LHFPL6: variants seen among roughly 807,000 people sequenced by gnomAD.
LHFPL6 encodes the protein LHFPL tetraspan subfamily member 6 protein.
LHFPL6 carries 9 observed loss-of-function variants against 20.6 expected under a neutral mutation model. The ratio of observed to expected loss-of-function variants is 0.44; its 90% CI spans 0.26 to 0.76. The LOEUF is 0.76. Ranked by LOEUF, LHFPL6 falls within the 30% of genes least tolerant of loss-of-function variation. The pLI, the probability that LHFPL6 is intolerant of heterozygous loss-of-function variation, is 0.20. For synonymous variants in LHFPL6, 105 were observed against 98.7 expected (o/e 1.06, Z -0.38); for missense variants, 218 against 253.5 (o/e 0.86, Z 0.95).
At chr13:39,354,611 A>G (rs1643945144) in intron 3 of LHFPL6, among the ~76,000 whole-genome samples, 1 of 152,180 alleles carries the variant, frequency 6.6e-6, no homozygotes, top group Admixed American at 6.5e-5. Context: ...GATTCAGCAG[A>G]AAGTTAAAAT....
intron 2 of LHFPL6, among the ~76,000 whole-genome samples, chr13:39,542,008 G>A (rs892231995): frequency 4.6e-5 from 7 of 151,604 alleles, no homozygotes; most frequent in African/African-American, 1.7e-4. Flanking sequence ...GGAGAATGGC[G>A]TGAACCCGGG....
chr13:39,454,727 AT>A (rs1051622258), intron 2 of LHFPL6, among the ~76,000 whole-genome samples: 2 of 151,436 alleles, frequency 1.3e-5, no homozygotes, highest in African/African-American at 4.8e-5. Flanking sequence ...TGGTAATTCC[AT>A]TTTAGCACCA....
At position 39,450,816 on chromosome 13, in the gene LHFPL6, A is replaced by G. The variant is rs1872424657; in HGVS notation, c.386-72290T>C. Among the ~76,000 whole-genome samples, 2 of 152,222 alleles carry G rather than the reference A, an allele frequency of 1.3e-5. 1 individual carries two copies. The highest frequency in any genetic ancestry group is 4.1e-4 in the South Asian group (2 of 4,822). On this transcript the variant is annotated intron_variant, in intron 2 of 3. Coordinates refer to ENST00000379589, the MANE Select transcript of LHFPL6 (RefSeq NM_005780.3). ...TGTGATATGTATAATATTCCCATACAGTATTTTACTTAGCTGAATTATAAA... is the reference window on the plus strand; with the variant it reads ...TGTGATATGTATAATATTCCCATACGGTATTTTACTTAGCTGAATTATAAA...
At chr13:39,494,202 A>G (rs9603549) in intron 2 of LHFPL6, among the ~76,000 whole-genome samples, 47,362 of 152,182 alleles carry the variant, frequency 0.31, 7,840 homozygotes, top group Middle Eastern at 0.43. Flanking sequence ...GGCAGGAAGC[A>G]CTGTGAAAGC....
chr13:39,343,130 G>T lies in LHFPL6; in HGVS notation c.*806C>A, dbSNP rs1869291884. The T allele has an allele frequency of 4.9e-6, 1 of 203,478 alleles. No homozygotes were observed. The highest frequency in any genetic ancestry group is 1.0e-5 in the Non-Finnish European group (1 of 98,974). 12.6% of individuals were successfully genotyped at this position (203,478 alleles called of 1,614,324 possible). On this transcript the variant is annotated 3_prime_UTR_variant, in exon 4 of 4. Coordinates refer to ENST00000379589, the MANE Select transcript of LHFPL6 (RefSeq NM_005780.3). ...TTTTCTTCATAAGAATATCATAGCA[G>T]AAGCTACTCAGAGAAATATTGCATA...
intron 2 of LHFPL6, among the ~76,000 whole-genome samples, chr13:39,466,156 T>C (rs766915048): frequency 2.6e-5 from 4 of 152,218 alleles, no homozygotes; most frequent in Non-Finnish European, 4.4e-5. Context: ...TTTGGGGACA[T>C]GATTTAGTAA....
At chr13:39,442,020 G>A (rs552441473) in intron 2 of LHFPL6, among the ~76,000 whole-genome samples, 1 of 151,514 alleles carries the variant, frequency 6.6e-6, no homozygotes, top group African/African-American at 2.4e-5. Context: ...GTAGAGACAG[G>A]GTTTTACCAC....
chr13:39,547,909 T>A (rs1247685732), intron 2 of LHFPL6, among the ~76,000 whole-genome samples: 1 of 152,098 alleles, frequency 6.6e-6, no homozygotes, highest in Non-Finnish European at 1.5e-5. Flanking sequence ...GAATGTTAGG[T>A]AATGTTATAC....
intron 3 of LHFPL6, among the ~76,000 whole-genome samples, chr13:39,354,163 T>C (rs1382432856): frequency 6.6e-6 from 1 of 152,074 alleles, no homozygotes; most frequent in African/African-American, 2.4e-5. Context: ...TGCCAGCCCT[T>C]ACATGTATGC....
intron 2 of LHFPL6, among the ~76,000 whole-genome samples, chr13:39,462,124 T>C (rs1872704230): frequency 6.6e-6 from 1 of 152,154 alleles, no homozygotes; most frequent in Non-Finnish European, 1.5e-5. Context: ...ACAAATTTTC[T>C]AACTCTTTAT....
chr13:39,451,359 G>A (rs1872440292), intron 2 of LHFPL6, among the ~76,000 whole-genome samples: 1 of 152,170 alleles, frequency 6.6e-6, no homozygotes, highest in African/African-American at 2.4e-5. Context: ...TTGGCAGTAT[G>A]ATTTTATTAT....
chr13:39,502,956 G>A (rs962463032), intron 2 of LHFPL6, among the ~76,000 whole-genome samples: 27 of 152,158 alleles, frequency 1.8e-4, no homozygotes, highest in Admixed American at 1.2e-3. Flanking sequence ...GCAGTGGTGC[G>A]ATCATAGCTT....
At chr13:39,519,254 A>T (rs908472782) in intron 2 of LHFPL6, among the ~76,000 whole-genome samples, 1 of 146,400 alleles carries the variant, frequency 6.8e-6, no homozygotes, top group Admixed American at 6.8e-5. Context: ...AAAAATAAAA[A>T]AAAAATCAGA....
intron 2 of LHFPL6, among the ~76,000 whole-genome samples, chr13:39,595,166 C>T (rs1872732683): frequency 6.6e-6 from 1 of 152,044 alleles, no homozygotes; most frequent in African/African-American, 2.4e-5. Flanking sequence ...TAGATACAAA[C>T]ATATAAAATT....
rs1015201841 is a variant in LHFPL6 at position 39,567,358 on chromosome 13, A to G, written c.385+33474T>C. Among the ~76,000 whole-genome samples, 3 of 152,352 alleles carry G rather than the reference A, an allele frequency of 2.0e-5. No individual in the cohort carries two copies. The East Asian group carries it at 5.8e-4, about 29-fold the overall frequency. On this transcript the variant is annotated intron_variant, in intron 2 of 3. Transcript: ENST00000379589. ...AATTTTAAATTCTGTATTTTATCTG[A>G]CTAATAAACTTACTTGCTTCATATT...
At chr13:39,578,462 G>A (rs1327300804) in intron 2 of LHFPL6, among the ~76,000 whole-genome samples, 1 of 152,120 alleles carries the variant, frequency 6.6e-6, no homozygotes, top group African/African-American at 2.4e-5. Context: ...TTCAGTCATT[G>A]GCATCCAAGA....
chr13:39,497,233 T>TA (rs1407109538), intron 2 of LHFPL6, among the ~76,000 whole-genome samples: 2 of 151,958 alleles, frequency 1.3e-5, no homozygotes, highest in South Asian at 2.1e-4. Context: ...AAAAAGTGAG[T>TA]AAAAAATCGG....
At chr13:39,417,940 T>C (rs1050374265) in intron 2 of LHFPL6, among the ~76,000 whole-genome samples, 10 of 152,326 alleles carry the variant, frequency 6.6e-5, no homozygotes, top group Admixed American at 2.0e-4. Flanking sequence ...TTGCAAGATT[T>C]AGAGCATTAT....
At chr13:39,592,940 T>G (rs1274477818) in intron 2 of LHFPL6, among the ~76,000 whole-genome samples, 4 of 152,204 alleles carry the variant, frequency 2.6e-5, no homozygotes, top group Non-Finnish European at 4.4e-5. Flanking sequence ...TGCTAAAAAC[T>G]CTCAATAAAT....
Sources: allele counts gnomAD v4.1 joint callset (sites outside exome capture counted in the v4.1 genomes callset), GRCh38; gene constraint gnomAD v4.1.1; transcripts MANE v1.5; gene names NCBI Gene and HGNC (gene_info 2026-07-23, HGNC 2026-07-21).